The following CDKL2 variants were observed in gnomAD, a reference collection of about 807,000 sequenced individuals.
CDKL2 encodes cyclin-dependent kinase-like 2.
In CDKL2, 64 loss-of-function variants were observed where a neutral mutation model predicts 63.9. The ratio of observed to expected loss-of-function variants is 1.00; its 90% confidence interval spans 0.82 to 1.23. CDKL2 has a LOEUF of 1.23. CDKL2 is among the 50% of genes most tolerant of loss of function. The pLI, the probability that CDKL2 is intolerant of heterozygous loss-of-function variation, is 0.00. For synonymous variants in CDKL2, 211 were observed against 229.2 expected (o/e 0.92, Z 0.72); for missense variants, 656 against 668.0 (o/e 0.98, Z 0.20).
Position 75,626,017 on chromosome 4 carries a change from G to A in CDKL2, c.-29C>T, listed in dbSNP as rs750970140. 1.3e-6 allele frequency: 2 copies of A among 1,591,568 alleles called. No homozygotes were observed. The highest frequency in any genetic ancestry group is 1.7e-6 in the Non-Finnish European group (2 of 1,171,800). On this transcript the variant is annotated splice_region_variant and 5_prime_UTR_variant, in exon 2 of 14. Transcript: ENST00000307465. ...AATTTAAAGTCCGTAGAAACTTTTT[G>A]CTGTGAAAACCAAAACATAGATTTA...
At chr4:75,608,930 G>A (rs1257786299) in intron 3 of CDKL2, among the ~76,000 whole-genome samples, 3 of 151,464 alleles carry the variant, frequency 2.0e-5, no homozygotes, top group Non-Finnish European at 4.4e-5. Flanking sequence ...GGAGGTGGAG[G>A]TTGCAGTGAG....
At chr4:75,616,199 G>A (rs1421532625) in intron 2 of CDKL2, among the ~76,000 whole-genome samples, 2 of 152,090 alleles carry the variant, frequency 1.3e-5, no homozygotes, top group Non-Finnish European at 2.9e-5. Context: ...AGCGCTTTGG[G>A]AGGCTGAAGT....
At chr4:75,621,385 G>T (rs1730151238) in intron 2 of CDKL2, among the ~76,000 whole-genome samples, 2 of 151,796 alleles carry the variant, frequency 1.3e-5, no homozygotes, top group South Asian at 4.2e-4. Flanking sequence ...GAAGAAAATG[G>T]TTATTAAGGA....
At chr4:75,580,978 G>T (rs1348386386) in intron 13 of CDKL2, among the ~76,000 whole-genome samples, 1 of 152,114 alleles carries the variant, frequency 6.6e-6, no homozygotes, top group African/African-American at 2.4e-5. Context: ...GGGATTACAG[G>T]CGTGAGCCAC....
intron 2 of CDKL2, 130 bp from the exon 3 acceptor site, chr4:75,614,579 C>T: frequency 1.7e-6 from 1 of 577,120 alleles, no homozygotes; most frequent in East Asian, 2.9e-5. Context: ...AAATAAAATG[C>T]ATACATAGTG....
chr4:75,628,213 C>T (rs1260427543), intron 1 of CDKL2, among the ~76,000 whole-genome samples: 2 of 150,938 alleles, frequency 1.3e-5, no homozygotes, highest in African/African-American at 2.4e-5. Flanking sequence ...CCTCCCGGGT[C>T]CACGCCATTC....
chr4:75,613,025 T>A (rs1361807594), intron 3 of CDKL2, among the ~76,000 whole-genome samples: 1 of 151,636 alleles, frequency 6.6e-6, no homozygotes, highest in African/African-American at 2.4e-5. Flanking sequence ...CTCCGGAGGC[T>A]GAGGCCGGAG....
At chr4:75,591,510 T>C (rs1193163873) in intron 12 of CDKL2, among the ~76,000 whole-genome samples, 1 of 152,120 alleles carries the variant, frequency 6.6e-6, no homozygotes, top group Non-Finnish European at 1.5e-5. Flanking sequence ...GGTAGTTGGA[T>C]TGCTTAAGCT....
At chr4:75,629,795 C>A (rs1443679114) in intron 1 of CDKL2, among the ~76,000 whole-genome samples, 9 of 151,666 alleles carry the variant, frequency 5.9e-5, no homozygotes, top group Admixed American at 5.9e-4. Context: ...CAAACTTAGC[C>A]GGGCGTGGTG....
At chr4:75,586,696 A>C (rs1728496643) in intron 12 of CDKL2, among the ~76,000 whole-genome samples, 1 of 152,214 alleles carries the variant, frequency 6.6e-6, no homozygotes, top group South Asian at 2.1e-4. Context: ...CTCTCAAAGA[A>C]GAGGATAGCA....
intron 2 of CDKL2, among the ~76,000 whole-genome samples, chr4:75,620,908 C>A (rs1578352396): frequency 6.6e-6 from 1 of 150,526 alleles, no homozygotes; most frequent in South Asian, 2.1e-4. Context: ...GGGACAGTAG[C>A]AGTATGTGAA....
rs1184116078 is a variant in CDKL2 at position 75,580,580 on chromosome 4, T to C, written c.*23+1230A>G. On this transcript the variant is annotated intron_variant, in intron 13 of 13. Coordinates refer to ENST00000307465, the MANE Select transcript of CDKL2 (RefSeq NM_001330724.2). ...TACTCAGGAGGCTGGGGTGGGAGGA[T>C]CGCTTCAGCCTAGGAGGCAGAGATT... is the stretch of plus-strand genomic sequence containing the variant. Among the ~76,000 whole-genome samples the C allele has an allele frequency of 3.3e-5, 5 of 151,348 alleles. No individual in the cohort carries two copies. The South Asian group carries it at 1.0e-3, about 32-fold the overall frequency.
chr4:75,591,621 G>T (rs1270730000), intron 12 of CDKL2, among the ~76,000 whole-genome samples, 198 bp downstream of exon 12: 1 of 152,024 alleles, frequency 6.6e-6, no homozygotes, highest in Admixed American at 6.6e-5. Flanking sequence ...ATTATGGGAA[G>T]TTAGGAAATG....
In CDKL2 at chr4:75,603,952, A is replaced by G; in HGVS notation, c.660T>C (p.Asn220=). 2 of 1,605,708 alleles carry G rather than the reference A, an allele frequency of 1.2e-6. No homozygotes were observed. Among genetic ancestry groups the G allele is most frequent in the Non-Finnish European group, 1.7e-6 (2 of 1,177,776 alleles). ...AAAGCTCCTGATGCCTTGGAATTAG[A>G]TTACCTGGAAGTGAAAACAGCACAT... ...QLYHIMMCLG[N]LIPRHQELFN... Residue 220 remains asparagine, a synonymous_variant, in exon 6 of 14, where the codon AAT becomes AAC. Coordinates refer to ENST00000307465, the MANE Select transcript of CDKL2 (RefSeq NM_001330724.2).
At chr4:75,608,337 A>G (rs942759538) in intron 3 of CDKL2, among the ~76,000 whole-genome samples, 3 of 148,082 alleles carry the variant, frequency 2.0e-5, no homozygotes, top group Admixed American at 6.8e-5. Flanking sequence ...GTTGGCCAGG[A>G]TGGTCTCAAA....
chr4:75,609,193 C>T (rs1243393530), intron 3 of CDKL2, among the ~76,000 whole-genome samples: 2 of 151,574 alleles, frequency 1.3e-5, no homozygotes, highest in Admixed American at 1.3e-4. Context: ...TGCTGAGCAC[C>T]CAAGTATAGA....
intron 1 of CDKL2, among the ~76,000 whole-genome samples, chr4:75,629,191 C>CA (rs1730568583): frequency 6.6e-6 from 1 of 151,942 alleles, no homozygotes; most frequent in Non-Finnish European, 1.5e-5. Flanking sequence ...ATACCAATGA[C>CA]AAAAATAGCT....
chr4:75,622,751 A>C (rs914255242), intron 2 of CDKL2, among the ~76,000 whole-genome samples: 1 of 149,320 alleles, frequency 6.7e-6, no homozygotes, highest in African/African-American at 2.5e-5. Flanking sequence ...AAAACAGACA[A>C]GAAGACCAAG....
At chr4:75,615,151 T>A (rs1729878201) in intron 2 of CDKL2, among the ~76,000 whole-genome samples, 2 of 151,962 alleles carry the variant, frequency 1.3e-5, no homozygotes, top group Admixed American at 1.3e-4. Flanking sequence ...ACTGCAAGTT[T>A]TAGAGAAATT....
Sources: gnomAD v4.1 joint callset for allele counts (sites outside exome capture counted in the v4.1 genomes callset) on GRCh38, gnomAD v4.1.1 for gene constraint, MANE v1.5 for transcripts, NCBI Gene and HGNC (gene_info 2026-07-23, HGNC 2026-07-21) for gene names.